Variants in TMEM131L observed in about 807,000 individuals in gnomAD.
TMEM131L encodes the protein transmembrane 131 like, also known as transmembrane protein 131-like.
In TMEM131L, 54 loss-of-function variants were observed where a neutral mutation model predicts 192.2. That is an observed-to-expected ratio of 0.28 (90% CI 0.23 to 0.35). The LOEUF (loss-of-function observed/expected upper bound fraction) is 0.35, where lower values mean the gene tolerates loss of function less well. Among genes scored for constraint, TMEM131L ranks in the 10% least tolerant of loss-of-function variants. The pLI is 1.00. For synonymous variants in TMEM131L, 701 were observed against 704.9 expected, an observed-to-expected ratio of 0.99 and a Z score of 0.09; for missense variants, 1,888 against 1,972.9, an observed-to-expected ratio of 0.96 and a Z score of 0.82.
At chr4:153,628,832 G>C (rs188637807) in intron 31 of TMEM131L, among the ~76,000 whole-genome samples, 9 of 152,138 alleles carry the variant, frequency 5.9e-5, no homozygotes, top group Admixed American at 1.3e-4. Flanking sequence ...GGAGATATAC[G>C]TGCGGTTTGG....
At chr4:153,518,814 T>G (rs1734912563) in intron 3 of TMEM131L, among the ~76,000 whole-genome samples, 1 of 152,224 alleles carries the variant, frequency 6.6e-6, no homozygotes, top group Non-Finnish European at 1.5e-5. Flanking sequence ...GCCCTTTCAT[T>G]GCACTTGTGA....
chr4:153,466,366 G>A lies in TMEM131L; in HGVS notation c.-32G>A. 8.1e-7 allele frequency: 1 copy of A among 1,237,910 alleles called. No individual in the cohort carries two copies. Among genetic ancestry groups the A allele is most frequent in the Non-Finnish European group, 1.0e-6 (1 of 987,666 alleles). 76.7% of individuals were successfully genotyped at this position (1,237,910 alleles called of 1,614,324 possible). A position where few individuals can be genotyped will look rare whatever the true frequency, so the allele number is the denominator to read the frequency against. On this transcript the variant is annotated 5_prime_UTR_variant, in exon 1 of 35. Coordinates refer to ENST00000409959, the MANE Select transcript of TMEM131L (RefSeq NM_001131007.2). ...GCGCCAGCGAGCTAGCGGCGAGCGC[G>A]GCGAGCAACGGAGAGGAGCGCGAGC...
At chr4:153,521,315 C>T (rs532414803) in intron 3 of TMEM131L, among the ~76,000 whole-genome samples, 11 of 152,194 alleles carry the variant, frequency 7.2e-5, no homozygotes, top group East Asian at 1.9e-4. Flanking sequence ...AAGTCTGGGC[C>T]GTGGCCTTCC....
chr4:153,485,623 C>T (rs1327449185), intron 3 of TMEM131L, among the ~76,000 whole-genome samples: 1 of 152,090 alleles, frequency 6.6e-6, no homozygotes, highest in Non-Finnish European at 1.5e-5. Flanking sequence ...ATGTTGCTGC[C>T]ACTAAATTAT....
intron 3 of TMEM131L, among the ~76,000 whole-genome samples, chr4:153,532,611 T>C (rs1344072405): frequency 6.6e-6 from 1 of 152,136 alleles, no homozygotes; most frequent in Non-Finnish European, 1.5e-5. Context: ...TGTTGGTTCT[T>C]TTATAAAGAA....
chr4:153,476,651 C>G (rs186714865), intron 3 of TMEM131L, among the ~76,000 whole-genome samples: 1 of 151,876 alleles, frequency 6.6e-6, no homozygotes, highest in African/African-American at 2.4e-5. Context: ...GAGCTGAGAT[C>G]GCACCACTGC....
intron 7 of TMEM131L, among the ~76,000 whole-genome samples, chr4:153,560,935 A>G (rs1728805330): frequency 6.6e-6 from 1 of 152,220 alleles, no homozygotes. Context: ...TGGTAATTCC[A>G]TGTTTAACAT....
Position 153,602,651 on chromosome 4 carries a change from T to C in TMEM131L, c.2563T>C (p.Leu855=). The C allele has an allele frequency of 1.9e-6, 3 of 1,614,176 alleles. No individual in the cohort carries two copies. The highest frequency in any genetic ancestry group is 1.3e-5 in the African/African-American group (1 of 75,068). ...TLNVTLPHHL[L]PLCADVVPGP... is the part of the protein sequence containing the mutation. ...CAATGTGACTCTCCCTCATCACCTGTTGCCCTTGTGTGCAGACGTGGTTCC... is the reference window on the plus strand; with the variant it reads ...CAATGTGACTCTCCCTCATCACCTGCTGCCCTTGTGTGCAGACGTGGTTCC... Residue 855 remains leucine, a synonymous_variant, in exon 23 of 35, where the codon TTG becomes CTG. Coordinates refer to ENST00000409959, the MANE Select transcript of TMEM131L (RefSeq NM_001131007.2).
Position 153,591,053 on chromosome 4 carries a change from G to T in TMEM131L, c.1671G>T (p.Lys557Asn). Residue 557 changes from lysine (K) to asparagine (N), a missense_variant and splice_region_variant, in exon 17 of 35, where the codon AAG becomes AAT. Transcript: ENST00000409959. ...AATAGTTTCTTTATCAATTAAACAG[G>T]AGGAATGTTTTGGGAACAACTCGAT... Reference protein sequence around the residue: ...WKKYKNGDVCKRNVLGTTRFA... With the variant: ...WKKYKNGDVCNRNVLGTTRFA... 6.4e-7 allele frequency: 1 copy of T among 1,553,706 alleles called. No individual in the cohort carries two copies. The highest frequency in any genetic ancestry group is 8.7e-7 in the Non-Finnish European group (1 of 1,147,464).
rs765190786 is a variant in TMEM131L, at chr4:153,584,884, A to C, written c.1110A>C (p.Thr370=). ...SGIIEDVKKT[T]HTPTLKACLF... ...TTATAGAAGATGTGAAGAAAACAAC[A>C]CACACTCCAACACTAAAAGCATGCC... Residue 370 remains threonine, a synonymous_variant, in exon 12 of 35, where the codon ACA becomes ACC. Coordinates refer to ENST00000409959, the MANE Select transcript of TMEM131L (RefSeq NM_001131007.2). The C allele has an allele frequency of 3.1e-6, 5 of 1,614,056 alleles. No individual in the cohort carries two copies. The highest frequency in any genetic ancestry group is 4.2e-6 in the Non-Finnish European group (5 of 1,179,992).
chr4:153,599,266 G>A (rs11943070), intron 21 of TMEM131L, among the ~76,000 whole-genome samples: 41,656 of 152,126 alleles, frequency 0.27, 6,083 homozygotes, highest in Non-Finnish European at 0.34. Flanking sequence ...CACTATCACA[G>A]TGACAGCATT....
At chr4:153,547,634 G>A (rs983339387) in intron 3 of TMEM131L, among the ~76,000 whole-genome samples, 4 of 152,234 alleles carry the variant, frequency 2.6e-5, no homozygotes, top group African/African-American at 9.6e-5. Flanking sequence ...TAGGACTTGA[G>A]AGAGGTTAAG....
At chr4:153,509,241 G>A (rs2150058138) in intron 3 of TMEM131L, among the ~76,000 whole-genome samples, 1 of 151,896 alleles carries the variant, frequency 6.6e-6, no homozygotes, top group South Asian at 2.1e-4. Context: ...GCATGCACCT[G>A]TAGTCCCAGC....
chr4:153,633,051 A>T (rs558747816), intron 32 of TMEM131L, among the ~76,000 whole-genome samples: 13 of 152,190 alleles, frequency 8.5e-5, no homozygotes, highest in African/African-American at 2.9e-4. Flanking sequence ...AAAGCTGGTG[A>T]CAGTGTCGTT....
intron 15 of TMEM131L, among the ~76,000 whole-genome samples, chr4:153,588,241 G>A (rs114190056): frequency 0.023 from 3,450 of 148,854 alleles, 103 homozygotes; most frequent in Middle Eastern, 0.086. Context: ...AAGGGCCTTA[G>A]TGTTGATGTA....
intron 3 of TMEM131L, among the ~76,000 whole-genome samples, chr4:153,508,136 A>G (rs140837347): frequency 7.0e-4 from 106 of 152,290 alleles, no homozygotes; most frequent in African/African-American, 2.5e-3. Flanking sequence ...ATCAGGGAAA[A>G]AGTCATTTAG....
chr4:153,530,360 T>C (rs916165511), intron 3 of TMEM131L, among the ~76,000 whole-genome samples: 7 of 152,176 alleles, frequency 4.6e-5, no homozygotes, highest in African/African-American at 1.4e-4. Context: ...CATTATGAGC[T>C]AAATCAAAGA....
At chr4:153,606,376 C>T (rs1052106451) in intron 25 of TMEM131L, among the ~76,000 whole-genome samples, 12 of 152,178 alleles carry the variant, frequency 7.9e-5, no homozygotes, top group African/African-American at 2.7e-4. Context: ...TATGTGCCTG[C>T]AAGATGCAAT....
At chr4:153,605,487 C>T (rs2126442360) in intron 25 of TMEM131L, among the ~76,000 whole-genome samples, 1 of 152,346 alleles carries the variant, frequency 6.6e-6, no homozygotes, top group Non-Finnish European at 1.5e-5. Context: ...CCCATCCCAG[C>T]CTCCTGAGTA....
Sources: gnomAD v4.1 joint callset for allele counts (sites outside exome capture counted in the v4.1 genomes callset) on GRCh38, gnomAD v4.1.1 for gene constraint, MANE v1.5 for transcripts, NCBI Gene and HGNC (gene_info 2026-07-23, HGNC 2026-07-21) for gene names.